The following CHRM3 variants were observed in gnomAD, a reference collection of about 807,000 sequenced individuals.
CHRM3 encodes cholinergic receptor muscarinic 3.
A neutral mutation model predicts 41.8 loss-of-function variants in CHRM3; 11 were observed. That is an observed-to-expected ratio of 0.26 (90% CI 0.17 to 0.44). The LOEUF (loss-of-function observed/expected upper bound fraction) is 0.44, where lower values mean the gene tolerates loss of function less well. Ranked by LOEUF, CHRM3 falls within the 20% of genes least tolerant of loss-of-function variation. CHRM3 has a pLI of 1.00. For missense variants in CHRM3, 571 were observed against 745.4 expected, an observed-to-expected ratio of 0.77 and a Z score of 2.72; for synonymous variants, 297 against 301.4, an observed-to-expected ratio of 0.99 and a Z score of 0.15.
chr1:239,740,555 A>T (rs1332121874), intron 5 of CHRM3, among the ~76,000 whole-genome samples: 1 of 151,956 alleles, frequency 6.6e-6, no homozygotes, highest in African/African-American at 2.4e-5. Context: ...GCACCGATCA[A>T]CCCATCATCT....
intron 5 of CHRM3, among the ~76,000 whole-genome samples, chr1:239,786,179 TA>T (rs1357165033): frequency 6.6e-6 from 1 of 152,200 alleles, no homozygotes; most frequent in Non-Finnish European, 1.5e-5. Context: ...AAGGACTGGA[TA>T]TTACTTTAGT....
intron 3 of CHRM3, among the ~76,000 whole-genome samples, chr1:239,560,377 A>G (rs1660741610): frequency 6.6e-6 from 1 of 152,172 alleles, no homozygotes; most frequent in South Asian, 2.1e-4. Flanking sequence ...AAAAAATGCA[A>G]AAACAATACA....
intron 1 of CHRM3, among the ~76,000 whole-genome samples, chr1:239,413,475 A>T (rs916871010): frequency 2.0e-5 from 3 of 151,942 alleles, no homozygotes; most frequent in Non-Finnish European, 4.4e-5. Context: ...TTTTGTAGAG[A>T]TGAGGTTTCT....
intron 5 of CHRM3, among the ~76,000 whole-genome samples, chr1:239,780,074 A>G (rs1334837291): frequency 2.6e-5 from 4 of 152,228 alleles, no homozygotes; most frequent in Admixed American, 1.3e-4. Context: ...AATTATGAAT[A>G]AAGTTGCTAT....
chr1:239,397,343 G>A (rs2102953132), intron 1 of CHRM3, among the ~76,000 whole-genome samples: 1 of 151,886 alleles, frequency 6.6e-6, no homozygotes, highest in Non-Finnish European at 1.5e-5. Context: ...ATTACTTTTT[G>A]TTCCATTAAT....
At chr1:239,816,870 A>C (rs1251761786) in intron 5 of CHRM3, among the ~76,000 whole-genome samples, 1 of 151,778 alleles carries the variant, frequency 6.6e-6, no homozygotes, top group Non-Finnish European at 1.5e-5. Context: ...AGCTGGGATT[A>C]CATGTGCCCA....
intron 2 of CHRM3, among the ~76,000 whole-genome samples, chr1:239,532,254 G>A (rs1180623020): frequency 2.8e-5 from 4 of 144,678 alleles, no homozygotes; most frequent in African/African-American, 5.0e-5. Context: ...CTCATGATCC[G>A]CCCACCTCGG....
At chr1:239,415,955 A>G (rs974116019) in intron 1 of CHRM3, among the ~76,000 whole-genome samples, 1 of 152,228 alleles carries the variant, frequency 6.6e-6, no homozygotes, top group African/African-American at 2.4e-5. Context: ...GGTAAAAATT[A>G]AGGAAGAAAA....
intron 1 of CHRM3, among the ~76,000 whole-genome samples, chr1:239,404,380 G>GAA (rs757679282): frequency 1.5e-5 from 1 of 67,586 alleles, no homozygotes; most frequent in South Asian, 5.7e-4. Context: ...AAGAAAGAAA[G>GAA]AAAGAAAGAA....
At chr1:239,574,066 C>A (rs1662096790) in intron 3 of CHRM3, among the ~76,000 whole-genome samples, 1 of 152,070 alleles carries the variant, frequency 6.6e-6, no homozygotes, top group African/African-American at 2.4e-5. Context: ...AGCAGACTTA[C>A]CCTGGCAATT....
chr1:239,751,278 T>A (rs1160231106), intron 5 of CHRM3, among the ~76,000 whole-genome samples: 1 of 151,554 alleles, frequency 6.6e-6, no homozygotes, highest in African/African-American at 2.4e-5. Context: ...TTCTTTGGGA[T>A]TTCTGCTAAT....
chr1:239,789,676 T>C lies in CHRM3; in HGVS notation c.-146-37576T>C, dbSNP rs1438390582. ...CCTCAGGAACTAAGAGCGAACTTAC[T>C]CACCATCCCCAACTTCAGGTAGGGC... On this transcript the variant is annotated intron_variant, in intron 5 of 6. Coordinates refer to ENST00000676153, the MANE Select transcript of CHRM3 (RefSeq NM_001375978.1). Among the ~76,000 whole-genome samples, 4 of 152,104 alleles carry C rather than the reference T, an allele frequency of 2.6e-5. No individual in the cohort carries two copies. In the East Asian group the frequency reaches 7.7e-4, roughly 29 times the overall value.
At chr1:239,400,239 A>C (rs1659852282) in intron 1 of CHRM3, among the ~76,000 whole-genome samples, 1 of 152,152 alleles carries the variant, frequency 6.6e-6, no homozygotes, top group African/African-American at 2.4e-5. Flanking sequence ...GCTGTTGGCC[A>C]TTTGTAAGTT....
At chr1:239,623,460 G>T (rs1668641855) in intron 3 of CHRM3, among the ~76,000 whole-genome samples, 1 of 146,362 alleles carries the variant, frequency 6.8e-6, no homozygotes. Flanking sequence ...TTTTATGGCT[G>T]CATGGTATTC....
intron 2 of CHRM3, among the ~76,000 whole-genome samples, chr1:239,526,692 T>C (rs766783333): frequency 1.4e-4 from 22 of 152,220 alleles, no homozygotes; most frequent in Admixed American, 6.5e-4. Flanking sequence ...AGAGCTCTTT[T>C]TCATTTATCA....
chr1:239,765,952 G>A (rs2148685911), intron 5 of CHRM3, among the ~76,000 whole-genome samples: 1 of 151,948 alleles, frequency 6.6e-6, no homozygotes, highest in Non-Finnish European at 1.5e-5. Context: ...GAGTAGCTGG[G>A]ATTACAGGTG....
rs1660339585 is a variant in CHRM3 at position 239,404,409 on chromosome 1, A to AG, written c.-521+17182_-521+17183insG. On this transcript the variant is annotated intron_variant, in intron 1 of 6. Coordinates refer to ENST00000676153, the MANE Select transcript of CHRM3 (RefSeq NM_001375978.1). ...GAAAGAAAGAAAGAAAGAAAGAAAG[A>AG]AAAAGAAAGAAAGAAAGAAAGAAAG... Among the ~76,000 whole-genome samples, 86 of 25,548 alleles carry AG rather than the reference A, an allele frequency of 3.4e-3. 1 individual carries two copies. The highest frequency in any genetic ancestry group is 0.012 in the African/African-American group (74 of 6,176). 16.8% of individuals were successfully genotyped at this position (25,548 alleles called of 152,430 possible).
intron 1 of CHRM3, among the ~76,000 whole-genome samples, chr1:239,449,199 C>G (rs1160534098): frequency 6.6e-6 from 1 of 152,092 alleles, no homozygotes; most frequent in Non-Finnish European, 1.5e-5. Flanking sequence ...TACAATTCTG[C>G]TGTGCAAATA....
In CHRM3 at chr1:239,779,928, G is replaced by A. The variant is rs147059627; in HGVS notation, c.-146-47324G>A. On this transcript the variant is annotated intron_variant, in intron 5 of 6. Transcript: ENST00000676153. The stretch of plus-strand genomic sequence containing the variant: ...ATTGCCTTTTTTCCCTTAGTAACAT[G>A]CATTTAAAGTGCCTTCATGTCAGTT... Among the ~76,000 whole-genome samples the A allele has an allele frequency of 1.4e-3, 206 of 152,172 alleles. 1 individual carries two copies. The highest frequency in any genetic ancestry group is 4.6e-3 in the African/African-American group (193 of 41,520).
Sources: allele counts gnomAD v4.1 joint callset (sites outside exome capture counted in the v4.1 genomes callset), GRCh38; gene constraint gnomAD v4.1.1; transcripts MANE v1.5; gene names NCBI Gene and HGNC (gene_info 2026-07-23, HGNC 2026-07-21).